The following SPAG16 variants were observed in gnomAD, a reference collection of about 807,000 sequenced individuals.
SPAG16 encodes the protein sperm associated antigen 16, also known as sperm-associated antigen 16 protein.
A neutral mutation model predicts 80.4 loss-of-function variants in SPAG16; 86 were observed. That is an observed-to-expected ratio of 1.07 (90% confidence interval 0.90 to 1.28). The LOEUF is 1.28. Ranked by LOEUF, SPAG16 falls within the 50% of genes most tolerant of loss-of-function variation. SPAG16 has a pLI of 0.00. For missense variants in SPAG16, 870 were observed against 765.3 expected (o/e 1.14, Z -1.61); for synonymous variants, 294 against 265.9 (o/e 1.11, Z -1.03).
At chr2:213,780,270 GCC>G (rs1453202154) in intron 10 of SPAG16, among the ~76,000 whole-genome samples, 1 of 152,114 alleles carries the variant, frequency 6.6e-6, no homozygotes, top group Non-Finnish European at 1.5e-5. Flanking sequence ...CATCACATTT[GCC>G]ACATGATGTC....
At chr2:213,962,571 G>A (rs1228426342) in intron 12 of SPAG16, among the ~76,000 whole-genome samples, 1 of 152,108 alleles carries the variant, frequency 6.6e-6, no homozygotes, top group Non-Finnish European at 1.5e-5. Flanking sequence ...CAAGAATATG[G>A]CCATCTGCAA....
At chr2:213,994,685 G>A (rs932028870) in intron 12 of SPAG16, among the ~76,000 whole-genome samples, 2 of 150,224 alleles carry the variant, frequency 1.3e-5, no homozygotes, top group African/African-American at 4.9e-5. Flanking sequence ...ATTCATGACT[G>A]CTTTGGTTAA....
At chr2:213,322,220 G>T (rs915405940) in intron 5 of SPAG16, among the ~76,000 whole-genome samples, 1 of 149,668 alleles carries the variant, frequency 6.7e-6, no homozygotes, top group Non-Finnish European at 1.5e-5. Flanking sequence ...GATTTACTTT[G>T]GTCTGAAGTT....
chr2:213,622,123 A>G (rs569316797), intron 10 of SPAG16, among the ~76,000 whole-genome samples: 1 of 152,218 alleles, frequency 6.6e-6, no homozygotes, highest in Non-Finnish European at 1.5e-5. Flanking sequence ...TTTTTTTCCT[A>G]TGCTAAACCT....
chr2:213,980,460 A>G (rs2045659324), intron 12 of SPAG16, among the ~76,000 whole-genome samples: 1 of 127,540 alleles, frequency 7.8e-6, no homozygotes, highest in Non-Finnish European at 1.6e-5. Flanking sequence ...CTATATATAT[A>G]TAGAATATAT....
intron 15 of SPAG16, among the ~76,000 whole-genome samples, chr2:214,150,759 C>T (rs1265039671): frequency 6.6e-6 from 1 of 151,418 alleles, no homozygotes; most frequent in Non-Finnish European, 1.5e-5. Context: ...ATTTTATTGT[C>T]ATTAAATATG....
intron 15 of SPAG16, among the ~76,000 whole-genome samples, chr2:214,314,653 G>A (rs1427737501): frequency 1.3e-5 from 2 of 152,114 alleles, no homozygotes; most frequent in Non-Finnish European, 2.9e-5. Context: ...TTCCAATAAA[G>A]TGGAACAGTT....
At chr2:213,636,796 A>G (rs1365347658) in intron 10 of SPAG16, among the ~76,000 whole-genome samples, 4 of 152,210 alleles carry the variant, frequency 2.6e-5, no homozygotes, top group Non-Finnish European at 2.9e-5. Context: ...ATTTGTGTAC[A>G]TTGATTTTAT....
chr2:213,604,277 T>A (rs1240156497), intron 10 of SPAG16, among the ~76,000 whole-genome samples: 1 of 152,216 alleles, frequency 6.6e-6, no homozygotes, highest in African/African-American at 2.4e-5. Context: ...AATTGTCATT[T>A]CCCTTCAATT....
intron 11 of SPAG16, among the ~76,000 whole-genome samples, chr2:213,926,631 T>TG (rs1434784355): frequency 6.6e-6 from 1 of 152,128 alleles, no homozygotes; most frequent in African/African-American, 2.4e-5. Flanking sequence ...TATATTTTTT[T>TG]CAGATTTGCA....
At chr2:213,873,013 T>C (rs1430874386) in intron 11 of SPAG16, among the ~76,000 whole-genome samples, 1 of 152,106 alleles carries the variant, frequency 6.6e-6, no homozygotes, top group Admixed American at 6.6e-5. Flanking sequence ...TTATCTGTAT[T>C]AATAAGAGAC....
At chr2:213,335,490 C>T (rs1393997597) in intron 5 of SPAG16, among the ~76,000 whole-genome samples, 1 of 152,078 alleles carries the variant, frequency 6.6e-6, no homozygotes, top group Non-Finnish European at 1.5e-5. Flanking sequence ...AGAAGCAATA[C>T]AATAACAAAT....
intron 10 of SPAG16, among the ~76,000 whole-genome samples, chr2:213,519,997 G>A (rs1420972873): frequency 2.0e-5 from 3 of 150,442 alleles, no homozygotes; most frequent in African/African-American, 2.4e-5. Context: ...ACAAACATAC[G>A]CACAAACACA....
intron 10 of SPAG16, among the ~76,000 whole-genome samples, chr2:213,518,608 A>C (rs2075537272): frequency 6.6e-6 from 1 of 152,182 alleles, no homozygotes; most frequent in Non-Finnish European, 1.5e-5. Flanking sequence ...GAGGCTATGG[A>C]GAAAAGGGAG....
At chr2:213,800,915 C>T (rs1575172872) in intron 10 of SPAG16, among the ~76,000 whole-genome samples, 1 of 152,134 alleles carries the variant, frequency 6.6e-6, no homozygotes, top group Non-Finnish European at 1.5e-5. Flanking sequence ...TTAGTCAAAT[C>T]AAAAAGCAAT....
At chr2:214,204,482 G>C (rs1431550248) in intron 15 of SPAG16, among the ~76,000 whole-genome samples, 1 of 152,226 alleles carries the variant, frequency 6.6e-6, no homozygotes, top group African/African-American at 2.4e-5. Context: ...TGGGAGACCT[G>C]AAGACAGTTC....
intron 8 of SPAG16, among the ~76,000 whole-genome samples, chr2:213,366,895 A>C (rs2066326068): frequency 6.6e-6 from 1 of 152,036 alleles, no homozygotes; most frequent in African/African-American, 2.4e-5. Context: ...CCATTAACTC[A>C]TCATTTACAT....
intron 13 of SPAG16, among the ~76,000 whole-genome samples, chr2:214,018,025 C>G (rs2047675840): frequency 6.6e-6 from 1 of 151,544 alleles, no homozygotes; most frequent in South Asian, 2.1e-4. Flanking sequence ...TATTTTCAAA[C>G]CAAGTAGAAA....
intron 15 of SPAG16, among the ~76,000 whole-genome samples, chr2:214,253,213 C>T (rs1247515739): frequency 2.0e-5 from 3 of 151,558 alleles, no homozygotes; most frequent in African/African-American, 7.3e-5. Context: ...GCCCTTTGTC[C>T]AATGGGTAGA....
Sources: allele counts gnomAD v4.1 joint callset (sites outside exome capture counted in the v4.1 genomes callset), GRCh38; gene constraint gnomAD v4.1.1; transcripts MANE v1.5; gene names NCBI Gene and HGNC (gene_info 2026-07-23, HGNC 2026-07-21).